Variants in KCNJ6 observed in about 807,000 individuals in gnomAD.
KCNJ6 encodes G protein-activated inward rectifier potassium channel 2.
In KCNJ6, 9 loss-of-function variants were observed where a neutral mutation model predicts 34.2. That is an observed-to-expected ratio of 0.26 (90% confidence interval 0.16 to 0.46). The LOEUF is 0.46. KCNJ6 is among the 20% of genes least tolerant of loss of function. The probability of loss-of-function intolerance (pLI) is 1.00; values close to 1 mark genes in which losing one functional copy is unlikely to be tolerated. For synonymous variants in KCNJ6, 196 were observed against 207.1 expected (o/e 0.95, Z 0.46); for missense variants, 236 against 531.3 (o/e 0.44, Z 5.46).
intron 2 of KCNJ6, among the ~76,000 whole-genome samples, chr21:37,818,191 TGC>T (rs1407284805): frequency 1.5e-4 from 11 of 72,004 alleles, no homozygotes; most frequent in East Asian, 7.3e-4. Flanking sequence ...GGCTTAAAAG[TGC>T]GTGTGTGTGT....
At chr21:37,699,962 G>C (rs750570031) in intron 3 of KCNJ6, among the ~76,000 whole-genome samples, 3 of 152,160 alleles carry the variant, frequency 2.0e-5, no homozygotes, top group Non-Finnish European at 4.4e-5. Context: ...ATTACATAGC[G>C]TCCGGTGGAA....
intron 2 of KCNJ6, among the ~76,000 whole-genome samples, chr21:37,727,376 G>A (rs1165509777): frequency 1.3e-5 from 2 of 152,268 alleles, no homozygotes; most frequent in East Asian, 3.9e-4. Context: ...ACTCACCTGT[G>A]AGGGAGTGAG....
chr21:37,748,601 C>A (rs188458905), intron 2 of KCNJ6, among the ~76,000 whole-genome samples: 1 of 152,290 alleles, frequency 6.6e-6, no homozygotes, highest in African/African-American at 2.4e-5. Flanking sequence ...GCAAAAGCCC[C>A]AGTCTTAGTG....
At chr21:37,758,081 G>C (rs531230228) in intron 2 of KCNJ6, among the ~76,000 whole-genome samples, 119 of 151,874 alleles carry the variant, frequency 7.8e-4, no homozygotes, top group Admixed American at 6.9e-3. Flanking sequence ...TTTAGTGGAG[G>C]GGGAGAGGCT....
At chr21:37,753,210 T>C (rs2055005372) in intron 2 of KCNJ6, among the ~76,000 whole-genome samples, 1 of 152,166 alleles carries the variant, frequency 6.6e-6, no homozygotes, top group South Asian at 2.1e-4. Flanking sequence ...GGTTTCTGGA[T>C]GCCTAGAGTG....
chr21:37,781,394 G>A (rs555469734), intron 2 of KCNJ6, among the ~76,000 whole-genome samples: 23 of 152,232 alleles, frequency 1.5e-4, no homozygotes, highest in African/African-American at 5.3e-4. Context: ...TTAGAAAGAA[G>A]GGATGCATTT....
intron 1 of KCNJ6, among the ~76,000 whole-genome samples, chr21:37,885,722 G>A (rs143581715): frequency 1.6e-4 from 25 of 152,340 alleles, no homozygotes; most frequent in African/African-American, 4.8e-4. Context: ...AGCCACGTGA[G>A]TTTGCAAGAG....
chr21:37,839,493 C>T (rs1168598884), intron 2 of KCNJ6, among the ~76,000 whole-genome samples: 1 of 152,150 alleles, frequency 6.6e-6, no homozygotes. Context: ...TACCATGCTA[C>T]AGAGGAAGAC....
At chr21:37,902,820 G>T (rs529800032) in intron 1 of KCNJ6, among the ~76,000 whole-genome samples, 1 of 152,246 alleles carries the variant, frequency 6.6e-6, no homozygotes, top group East Asian at 1.9e-4. Flanking sequence ...ACTTTTAATT[G>T]ACATCTCAAA....
At chr21:37,846,741 T>C (rs558562874) in intron 1 of KCNJ6, among the ~76,000 whole-genome samples, 2 of 152,298 alleles carry the variant, frequency 1.3e-5, no homozygotes, top group East Asian at 1.9e-4. Context: ...GAAACATTTA[T>C]GCAAAGTAGG....
intron 2 of KCNJ6, among the ~76,000 whole-genome samples, chr21:37,724,156 T>C (rs2054841683): frequency 6.6e-6 from 1 of 152,046 alleles, no homozygotes; most frequent in South Asian, 2.1e-4. Flanking sequence ...TGGGGAGTGA[T>C]ATGATTGAGT....
At chr21:37,865,193 A>T (rs1257317323) in intron 1 of KCNJ6, among the ~76,000 whole-genome samples, 2 of 152,190 alleles carry the variant, frequency 1.3e-5, no homozygotes, top group African/African-American at 4.8e-5. Flanking sequence ...GGTGATTCAG[A>T]TATGCTGGGA....
intron 3 of KCNJ6, among the ~76,000 whole-genome samples, chr21:37,711,104 C>T (rs1034412858): frequency 6.6e-6 from 1 of 152,196 alleles, no homozygotes; most frequent in African/African-American, 2.4e-5. Context: ...GAAAGGGGGG[C>T]TCGCTTCCAG....
intron 1 of KCNJ6, among the ~76,000 whole-genome samples, chr21:37,896,747 T>A (rs1393091741): frequency 1.3e-5 from 2 of 152,042 alleles, no homozygotes; most frequent in Non-Finnish European, 2.9e-5. Context: ...CCAGTGTCTG[T>A]CAGAGGAAGA....
chr21:37,895,571 T>A (rs1435857028), intron 1 of KCNJ6, among the ~76,000 whole-genome samples: 5 of 152,174 alleles, frequency 3.3e-5, no homozygotes, highest in Non-Finnish European at 7.4e-5. Flanking sequence ...GCACCTGAAA[T>A]AAAAGATGCA....
intron 1 of KCNJ6, among the ~76,000 whole-genome samples, chr21:37,853,846 G>GTATGTATATA (rs1555850323): frequency 8.6e-6 from 1 of 115,992 alleles, no homozygotes. Context: ...ATATATATAT[G>GTATGTATATA]TATATATATA....
chr21:37,810,420 G>A (rs74626861), intron 2 of KCNJ6, among the ~76,000 whole-genome samples: 299 of 152,332 alleles, frequency 2.0e-3, no homozygotes, highest in African/African-American at 6.8e-3. Context: ...GAAGGGGATT[G>A]TAAGGGCAAG....
chr21:37,641,084 T>C (rs2835851), intron 3 of KCNJ6, among the ~76,000 whole-genome samples: 6,326 of 152,258 alleles, frequency 0.042, 330 homozygotes, highest in African/African-American at 0.12. Context: ...TCACACACTT[T>C]CACAGTATCC....
intron 2 of KCNJ6, among the ~76,000 whole-genome samples, chr21:37,805,615 T>C (rs1023677694): frequency 8.9e-6 from 1 of 112,262 alleles, no homozygotes; most frequent in Non-Finnish European, 2.0e-5. Flanking sequence ...CAAAAGGATG[T>C]GACTTTATTT....
Sources: allele counts gnomAD v4.1 joint callset (sites outside exome capture counted in the v4.1 genomes callset), GRCh38; gene constraint gnomAD v4.1.1; transcripts MANE v1.5; gene names NCBI Gene and HGNC (gene_info 2026-07-23, HGNC 2026-07-21).